The following MEIS3 variants were observed in gnomAD, a reference collection of about 807,000 sequenced individuals.
MEIS3 encodes Meis homeobox 3, also known as homeobox protein Meis3.
A neutral mutation model predicts 51.4 loss-of-function variants in MEIS3; 38 were observed. The ratio of observed to expected loss-of-function variants is 0.74; its 90% CI spans 0.57 to 0.97. MEIS3 has a LOEUF of 0.97. Ranked by LOEUF, MEIS3 falls within the 50% of genes least tolerant of loss-of-function variation. The pLI, the probability that MEIS3 is intolerant of heterozygous loss-of-function variation, is 0.00. For missense variants in MEIS3, 456 were observed against 502.6 expected (o/e 0.91, Z 0.89); for synonymous variants, 198 against 201.8 (o/e 0.98, Z 0.16).
rs112830883 is a variant in MEIS3 at position 47,408,585 on chromosome 19, C to T, written c.858+514G>A. 2.5e-3 allele frequency among the ~76,000 whole-genome samples: 378 copies of T among 152,218 alleles called. 1 individual carries two copies. The highest frequency in any genetic ancestry group is 8.6e-3 in the African/African-American group (358 of 41,544). The stretch of plus-strand genomic sequence containing the variant: ...CTGTGACTCGGCCTCTCCCTGTCTC[C>T]ATCTTGCTCTGACTTGGTCCTCCCC... On this transcript the variant is annotated intron_variant, in intron 8 of 12. Transcript: ENST00000558555.
In MEIS3 at chr19:47,416,792, G is replaced by T. The variant is rs777732862; in HGVS notation, c.345+12C>A. The T allele has an allele frequency of 3.1e-6, 5 of 1,613,116 alleles. No homozygotes were observed. The East Asian group carries it at 1.1e-4, about 36-fold the overall frequency. ...TCTCTGACTCGGTGTGTGGTGGGTG[G>T]GAGGTGCCCACCTGCTTGGCAAAGG... is the stretch of plus-strand genomic sequence containing the variant. On this transcript the variant is annotated intron_variant, in intron 3 of 12. Transcript: ENST00000558555.
intron 10 of MEIS3, 47 bp downstream of exon 10, chr19:47,407,032 G>A (rs1230414402): frequency 1.3e-6 from 2 of 1,588,672 alleles, no homozygotes; most frequent in South Asian, 1.1e-5. Context: ...CGGCTTTGAC[G>A]CCCTCCTAAG....
Position 47,419,382 on chromosome 19 carries a change from G to T in MEIS3, c.-301C>A, listed in dbSNP as rs866259191. ...AGGCCCCCTCCTCTGGGCCCCCCCCGTCCCTTCCCCGGCTCTGGAGGGAAT... is the reference window on the plus strand; with the variant it reads ...AGGCCCCCTCCTCTGGGCCCCCCCCTTCCCTTCCCCGGCTCTGGAGGGAAT... On this transcript the variant is annotated 5_prime_UTR_variant, in exon 1 of 13. Transcript: ENST00000558555. 5.8e-4 allele frequency: 90 copies of T among 155,102 alleles called. 4 individuals are homozygous for T. Among genetic ancestry groups the T allele is most frequent in the African/African-American group, 2.2e-3 (89 of 40,966 alleles). The allele number at this position is 155,102 out of a possible 1,614,324, so 9.6% of individuals were successfully genotyped here. A position where few individuals can be genotyped will look rare whatever the true frequency, so the allele number is the denominator to read the frequency against.
At position 47,406,852 on chromosome 19, in the gene MEIS3, G is replaced by C. The variant is rs192490310; in HGVS notation, c.1078+36C>G. On this transcript the variant is annotated intron_variant, in intron 11 of 12. Coordinates refer to ENST00000558555, the MANE Select transcript of MEIS3 (RefSeq NM_001301059.2). ...TTGTTTTACAGGTGGGTCATGGTGC[G>C]CAGGGGCGGGGCCTAGCTAAGGGGG... 3 of 1,528,520 alleles carry C rather than the reference G, an allele frequency of 2.0e-6. No individual in the cohort carries two copies. In the African/African-American group the frequency reaches 4.1e-5, roughly 21 times the overall value. 94.7% of individuals were successfully genotyped at this position (1,528,520 alleles called of 1,614,324 possible).
chr19:47,406,083 G>A (rs2122465005), intron 12 of MEIS3: 1 of 176,532 alleles, frequency 5.7e-6, no homozygotes. Flanking sequence ...GTAGATGGAT[G>A]AGTGGGTTGG....
chr19:47,419,089 G>T lies in MEIS3; in HGVS notation c.-8C>A. 1 of 1,244,186 alleles carries T rather than the reference G, an allele frequency of 8.0e-7. No individual in the cohort carries two copies. The highest frequency in any genetic ancestry group is 3.6e-5 in the South Asian group (1 of 27,998). The allele number at this position is 1,244,186 out of a possible 1,614,324, so 77.1% of individuals were successfully genotyped here. A position where few individuals can be genotyped will look rare whatever the true frequency, so the allele number is the denominator to read the frequency against. The stretch of plus-strand genomic sequence containing the variant: ...ACCTACCCTCCGGGCCATGGGCTGA[G>T]GCCGGCGGCAGCTCCTGGGTCCCTC... On this transcript the variant is annotated 5_prime_UTR_variant, in exon 1 of 13. Coordinates refer to ENST00000558555, the MANE Select transcript of MEIS3 (RefSeq NM_001301059.2).
rs569472868 is a variant in MEIS3 at position 47,419,177 on chromosome 19, G to C, written c.-96C>G. 4.0e-4 allele frequency: 365 copies of C among 915,078 alleles called. 1 individual carries two copies. The East Asian group carries it at 0.012, about 30-fold the overall frequency. The allele number at this position is 915,078 out of a possible 1,614,324, so 56.7% of individuals were successfully genotyped here. A position where few individuals can be genotyped will look rare whatever the true frequency, so the allele number is the denominator to read the frequency against. ...GCAGCCCCTGACGGCCCGCGGTGTT[G>C]ACGCCAGGGGGTGGGCAGGAGGCCA... On this transcript the variant is annotated 5_prime_UTR_variant, in exon 1 of 13. Transcript: ENST00000558555.
In MEIS3 at chr19:47,419,190, G is replaced by T; in HGVS notation, c.-109C>A. 1.2e-6 allele frequency: 1 copy of T among 809,030 alleles called. No homozygotes were observed. The highest frequency in any genetic ancestry group is 1.7e-6 in the Non-Finnish European group (1 of 605,544). The allele number at this position is 809,030 out of a possible 1,614,324, so 50.1% of individuals were successfully genotyped here. A position where few individuals can be genotyped will look rare whatever the true frequency, so the allele number is the denominator to read the frequency against. On this transcript the variant is annotated 5_prime_UTR_variant, in exon 1 of 13. Coordinates refer to ENST00000558555, the MANE Select transcript of MEIS3 (RefSeq NM_001301059.2). ...GCCCGCGGTGTTGACGCCAGGGGGT[G>T]GGCAGGAGGCCAGGCGCGCGCCCCC...
chr19:47,412,577 T>C (rs944988219), intron 6 of MEIS3, among the ~76,000 whole-genome samples: 3 of 151,840 alleles, frequency 2.0e-5, no homozygotes, highest in Non-Finnish European at 4.4e-5. Flanking sequence ...TGTTTGTTTT[T>C]TTGAGACAGA....
upstream of MEIS3, among the ~76,000 whole-genome samples, chr19:47,419,757 C>G (rs997683024): frequency 6.6e-6 from 1 of 151,614 alleles, no homozygotes; most frequent in Admixed American, 6.6e-5. Flanking sequence ...CCGGGTTTCT[C>G]AGTCTCCCTC....
chr19:47,417,043 G>A, intron 2 of MEIS3, 80 bp from the exon 3 acceptor site: 1 of 1,538,130 alleles, frequency 6.5e-7, no homozygotes, highest in Non-Finnish European at 8.8e-7. Flanking sequence ...AGAACAGCTG[G>A]GGAGGGGACA....
intron 6 of MEIS3, 50 bp from the exon 7 acceptor site, chr19:47,409,597 C>T (rs752139030): frequency 5.4e-5 from 73 of 1,360,460 alleles, no homozygotes; most frequent in Non-Finnish European, 7.3e-5. Flanking sequence ...GGCGCAGTGG[C>T]TCACGCCTGT....
chr19:47,407,989 TAG>T (rs1224042151), intron 8 of MEIS3, among the ~76,000 whole-genome samples: 2 of 151,856 alleles, frequency 1.3e-5, no homozygotes, highest in Non-Finnish European at 2.9e-5. Flanking sequence ...TGTATTTTAG[TAG>T]AGATAGGGTT....
At chr19:47,412,540 A>C (rs1015442510) in intron 6 of MEIS3, among the ~76,000 whole-genome samples, 4 of 151,908 alleles carry the variant, frequency 2.6e-5, no homozygotes, top group Non-Finnish European at 2.9e-5. Flanking sequence ...GGCGCACGAC[A>C]TAACACCCAG....
chr19:47,421,092 T>A (rs1971703290), upstream of MEIS3, among the ~76,000 whole-genome samples: 1 of 151,962 alleles, frequency 6.6e-6, no homozygotes, highest in South Asian at 2.1e-4. Flanking sequence ...CGCGGCTGCC[T>A]GTCGGCTCTT....
Position 47,415,113 on chromosome 19 carries a change from G to A in MEIS3, c.397-12C>T, listed in dbSNP as rs774316399. ...ATGGCCTGGATCATCTGAAAACGTG[G>A]GCGGGAGGTGGGGGGAGACAGAGGG... On this transcript the variant is annotated splice_polypyrimidine_tract_variant and intron_variant, in intron 4 of 12. Transcript: ENST00000558555. 2 of 1,549,028 alleles carry A rather than the reference G, an allele frequency of 1.3e-6. No individual in the cohort carries two copies. The highest frequency in any genetic ancestry group is 2.3e-5 in the East Asian group (1 of 42,750).
intron 12 of MEIS3, 99 bp downstream of exon 12, chr19:47,406,361 C>A (rs1291658054): frequency 3.2e-6 from 3 of 951,784 alleles, no homozygotes; most frequent in East Asian, 2.4e-5. Flanking sequence ...GTACAGGGAC[C>A]CAGGCTGACC....
intron 6 of MEIS3, among the ~76,000 whole-genome samples, chr19:47,410,058 G>A (rs1039522102): frequency 1.3e-5 from 2 of 152,068 alleles, no homozygotes; most frequent in Non-Finnish European, 2.9e-5. Flanking sequence ...TGTAATGCCA[G>A]CACTTTTGGA....
chr19:47,412,709 G>A (rs758489152), intron 6 of MEIS3, among the ~76,000 whole-genome samples: 1 of 152,034 alleles, frequency 6.6e-6, no homozygotes, highest in African/African-American at 2.4e-5. Context: ...TCAGAGGTGC[G>A]TGCCACCACG....
Sources: gnomAD v4.1 joint callset for allele counts (sites outside exome capture counted in the v4.1 genomes callset) on GRCh38, gnomAD v4.1.1 for gene constraint, MANE v1.5 for transcripts, NCBI Gene and HGNC (gene_info 2026-07-23, HGNC 2026-07-21) for gene names.